The following CSMD2 variants were observed in gnomAD, a reference collection of about 807,000 sequenced individuals.
CSMD2 encodes the protein CUB and sushi domain-containing protein 2.
A neutral mutation model predicts 398.5 loss-of-function variants in CSMD2; 130 were observed. That is an observed-to-expected ratio of 0.33 (90% CI 0.28 to 0.38). The LOEUF (loss-of-function observed/expected upper bound fraction) is 0.38, where lower values mean the gene tolerates loss of function less well. CSMD2 is among the 10% of genes least tolerant of loss of function. The pLI, the probability that CSMD2 is intolerant of heterozygous loss-of-function variation, is 1.00. For missense variants in CSMD2, 3,829 were observed against 4,764.9 expected, an observed-to-expected ratio of 0.80 and a Z score of 5.78; for synonymous variants, 1,828 against 1,908.5, an observed-to-expected ratio of 0.96 and a Z score of 1.10.
intron 21 of CSMD2, among the ~76,000 whole-genome samples, chr1:33,711,491 A>G (rs909288513): frequency 3.9e-5 from 6 of 152,228 alleles, no homozygotes; most frequent in African/African-American, 1.4e-4. Flanking sequence ...ACATAGGGGA[A>G]TGGTTAGCAC....
In CSMD2 at chr1:33,624,670, G is replaced by T. The variant is rs376993543; in HGVS notation, c.5501-27C>A. On this transcript the variant is annotated intron_variant, in intron 34 of 70. Transcript: ENST00000373381. This position sits in a 1 kb window ranked among gnomAD's most constrained non-coding sequence, Gnocchi z 4.7. ...TGGGAGGAGAGGCCATCGGGTCAGA[G>T]GCTTTGTGGCCTCCCGTGGGAGCCT... 1.5e-5 allele frequency: 24 copies of T among 1,597,880 alleles called. No individual in the cohort carries two copies. The highest frequency in any genetic ancestry group is 2.7e-5 in the African/African-American group (2 of 74,612).
chr1:33,891,015 A>C (rs1007509474), intron 5 of CSMD2, among the ~76,000 whole-genome samples: 3 of 152,230 alleles, frequency 2.0e-5, no homozygotes, highest in Non-Finnish European at 4.4e-5. Context: ...CTAAAACACC[A>C]AAAGCAATGG....
At chr1:34,054,286 G>A (rs2148235234) in intron 2 of CSMD2, among the ~76,000 whole-genome samples, 2 of 152,226 alleles carry the variant, frequency 1.3e-5, no homozygotes, top group East Asian at 3.9e-4. Flanking sequence ...ATCAATTTAT[G>A]ACTAGTACGA....
intron 5 of CSMD2, among the ~76,000 whole-genome samples, chr1:33,896,874 G>A (rs1642423244): frequency 6.6e-6 from 1 of 151,896 alleles, no homozygotes; most frequent in Non-Finnish European, 1.5e-5. Flanking sequence ...TCCAAGCAGA[G>A]GGGAAAGCAC....
chr1:33,992,491 C>T (rs1462096227), intron 3 of CSMD2, among the ~76,000 whole-genome samples: 3 of 150,536 alleles, frequency 2.0e-5, no homozygotes, highest in Admixed American at 6.6e-5. Flanking sequence ...GTTGGGATTA[C>T]AGGCGTGAGT....
chr1:33,533,533 CT>C lies in CSMD2; in HGVS notation c.9991+262del, dbSNP rs1179900515. On this transcript the variant is annotated intron_variant, in intron 63 of 70. Coordinates refer to ENST00000373381, the MANE Select transcript of CSMD2 (RefSeq NM_001281956.2). This position sits in a 1 kb window ranked among gnomAD's most constrained non-coding sequence, Gnocchi z 4.2. Reference sequence around the variant, plus strand: ...AAGCTTGATATCTCCATCCTGAGGCCTGGCCTTGCAGTTGTTAGTTTTTGCT... The same window carrying C: ...AAGCTTGATATCTCCATCCTGAGGCCGGCCTTGCAGTTGTTAGTTTTTGCT... 1.3e-5 allele frequency among the ~76,000 whole-genome samples: 2 copies of C among 152,076 alleles called. No homozygotes were observed. Among genetic ancestry groups the C allele is most frequent in the Non-Finnish European group, 2.9e-5 (2 of 68,018 alleles).
chr1:34,014,573 T>A (rs1647816802), intron 3 of CSMD2, among the ~76,000 whole-genome samples: 1 of 152,208 alleles, frequency 6.6e-6, no homozygotes, highest in Non-Finnish European at 1.5e-5. Context: ...TCTAGTGTGA[T>A]CTTTTCCTGG....
chr1:33,934,199 T>C (rs557831404), intron 4 of CSMD2, among the ~76,000 whole-genome samples: 1 of 152,354 alleles, frequency 6.6e-6, no homozygotes, highest in East Asian at 1.9e-4. Context: ...AGGAGCTAGT[T>C]ATTCCAATGA....
intron 3 of CSMD2, among the ~76,000 whole-genome samples, chr1:34,029,819 C>G (rs1486041080): frequency 5.3e-5 from 8 of 152,140 alleles, no homozygotes; most frequent in Non-Finnish European, 1.2e-4. Flanking sequence ...GCCTACAAGG[C>G]TTTATTTCCT....
At chr1:33,966,824 C>T (rs886115458) in intron 3 of CSMD2, among the ~76,000 whole-genome samples, 8 of 152,022 alleles carry the variant, frequency 5.3e-5, no homozygotes, top group African/African-American at 1.4e-4. Context: ...GCTAAAAAGG[C>T]GGTTGAGAGT....
chr1:33,805,496 CAAAATA>C (rs1190949304), intron 10 of CSMD2, among the ~76,000 whole-genome samples: 1 of 151,794 alleles, frequency 6.6e-6, no homozygotes, highest in South Asian at 2.1e-4. Context: ...TTTAAAATGA[CAAAATA>C]AAAATAAAAA....
At chr1:33,836,905 A>G (rs1476759458) in intron 6 of CSMD2, among the ~76,000 whole-genome samples, 2 of 152,184 alleles carry the variant, frequency 1.3e-5, no homozygotes, top group African/African-American at 4.8e-5. Flanking sequence ...AGTGAGATGC[A>G]TCCAGTACCT....
At chr1:34,104,027 T>C (rs1024297995) in intron 1 of CSMD2, among the ~76,000 whole-genome samples, 1 of 152,228 alleles carries the variant, frequency 6.6e-6, no homozygotes, top group Non-Finnish European at 1.5e-5. Context: ...CAGATTAATG[T>C]GATATCTGCT....
At chr1:33,873,626 C>G (rs1640628539) in intron 5 of CSMD2, 1 of 152,164 alleles carries the variant, frequency 6.6e-6, no homozygotes, top group Admixed American at 6.5e-5. Flanking sequence ...ATCCAGCAAA[C>G]AATTATGTGA....
rs148264340 is a variant in CSMD2 at position 33,766,186 on chromosome 1, C to T, written c.1846+6383G>A. ...TACCCAGTCCTGCAGTGTGGGCGCG[C>T]GTGTGTGTGTGGGTGTTTATGTGTG... On this transcript the variant is annotated intron_variant, in intron 13 of 70. Transcript: ENST00000373381. 3.9e-4 allele frequency among the ~76,000 whole-genome samples: 59 copies of T among 152,044 alleles called. 1 individual carries two copies. The East Asian group carries it at 6.2e-3, about 16-fold the overall frequency.
Position 33,559,412 on chromosome 1 carries a change from G to T in CSMD2, c.8442C>A (p.Asn2814Lys). 1 of 1,536,132 alleles carries T rather than the reference G, an allele frequency of 6.5e-7. No homozygotes were observed. Among genetic ancestry groups the T allele is most frequent in the Non-Finnish European group, 8.7e-7 (1 of 1,146,904 alleles). ...AAACAAACTTGACCACATCGTTGAG[G>T]TTAAACTGGTTACCCTGAGTGAGGC... ...VNGLTQGNQFNLNDVVKFVCN... is the reference protein window; with the variant it reads ...VNGLTQGNQFKLNDVVKFVCN... Residue 2814 changes from asparagine (N) to lysine (K), a missense_variant, in exon 54 of 71, where the codon AAC (asparagine) becomes AAA (lysine). By Grantham distance (94) the Asn-to-Lys change is moderately conservative. Around this residue, in one of 5 missense-constraint regions of CSMD2, gnomAD observed 917 missense variants for 1,199.5 expected, o/e 0.76. Coordinates refer to ENST00000373381, the MANE Select transcript of CSMD2 (RefSeq NM_001281956.2). This position sits in a 1 kb window ranked among gnomAD's most constrained non-coding sequence, Gnocchi z 4.0.
chr1:34,123,172 A>T (rs1662370028), intron 1 of CSMD2, among the ~76,000 whole-genome samples: 1 of 152,114 alleles, frequency 6.6e-6, no homozygotes, highest in Non-Finnish European at 1.5e-5. Flanking sequence ...GAGGGTTGGG[A>T]CTTAACAGCT....
chr1:33,909,783 A>G (rs932950506), intron 5 of CSMD2, among the ~76,000 whole-genome samples: 1 of 152,128 alleles, frequency 6.6e-6, no homozygotes, highest in African/African-American at 2.4e-5. Flanking sequence ...TTATCTGACC[A>G]CCTTCACCAG....
intron 13 of CSMD2, among the ~76,000 whole-genome samples, chr1:33,757,424 A>C (rs191932091): frequency 1.1e-3 from 165 of 152,312 alleles, no homozygotes; most frequent in African/African-American, 3.8e-3. Flanking sequence ...AAGGTTCCCC[A>C]AACTTGGTTC....
Sources: gnomAD v4.1 joint callset for allele counts (sites outside exome capture counted in the v4.1 genomes callset) on GRCh38, gnomAD v4.1.1 for gene constraint, gnomAD v4.1.1 regional missense constraint, Gnocchi (gnomAD v3.1) non-coding constraint, MANE v1.5 for transcripts, NCBI Gene and HGNC (gene_info 2026-07-23, HGNC 2026-07-21) for gene names.